CDH18: variants seen among roughly 807,000 people sequenced by gnomAD.
CDH18 encodes cadherin 18, also known as cadherin-18.
A neutral mutation model predicts 67.9 loss-of-function variants in CDH18; 31 were observed. The ratio of observed to expected loss-of-function variants is 0.46; its 90% CI spans 0.34 to 0.62. CDH18 has a LOEUF of 0.62. Ranked by LOEUF, CDH18 falls within the 20% of genes least tolerant of loss-of-function variation. The probability of loss-of-function intolerance (pLI) is 0.01; values close to 1 mark genes in which losing one functional copy is unlikely to be tolerated. For synonymous variants in CDH18, 362 were observed against 347.2 expected (o/e 1.04, Z -0.48); for missense variants, 890 against 975.5 (o/e 0.91, Z 1.17).
intron 1 of CDH18, chr5:20,306,028 G>C (rs1736419490): frequency 6.5e-6 from 1 of 152,698 alleles, no homozygotes; most frequent in East Asian, 1.9e-4. Context: ...ATGTTTTGAG[G>C]AACGTGTTAA....
chr5:19,971,198 A>G (rs1797984610), intron 2 of CDH18, among the ~76,000 whole-genome samples: 1 of 152,020 alleles, frequency 6.6e-6, no homozygotes, highest in African/African-American at 2.4e-5. Context: ...TATTCAGAAT[A>G]TATAATAGAG....
At chr5:20,167,653 A>C (rs1041987354) in intron 2 of CDH18, among the ~76,000 whole-genome samples, 2 of 152,140 alleles carry the variant, frequency 1.3e-5, no homozygotes, top group African/African-American at 4.8e-5. Flanking sequence ...TTTACAAAGG[A>C]CTTTTTACAA....
intron 2 of CDH18, among the ~76,000 whole-genome samples, chr5:19,969,469 A>G (rs28474910): frequency 0.42 from 62,844 of 147,970 alleles, 15,503 homozygotes; most frequent in Middle Eastern, 0.63. Context: ...GATAGACTGG[A>G]TTAAGAAAAT....
intron 1 of CDH18, among the ~76,000 whole-genome samples, chr5:20,293,920 A>C (rs2149949217): frequency 6.6e-6 from 1 of 152,290 alleles, no homozygotes; most frequent in South Asian, 2.1e-4. Flanking sequence ...GATTTATAGT[A>C]TTTGGGGCAG....
chr5:19,875,552 G>T (rs1030930155), intron 2 of CDH18, among the ~76,000 whole-genome samples: 1 of 151,954 alleles, frequency 6.6e-6, no homozygotes, highest in Non-Finnish European at 1.5e-5. Context: ...TTTATGTTTT[G>T]TACCTTCAAA....
intron 2 of CDH18, among the ~76,000 whole-genome samples, chr5:20,229,892 A>G (rs917469731): frequency 3.9e-5 from 6 of 151,976 alleles, no homozygotes; most frequent in African/African-American, 1.4e-4. Context: ...TTACAGTGTT[A>G]TTTTCATTAT....
rs370841061 is a variant in CDH18 at position 19,473,374 on chromosome 5, C to A, written c.2225G>T (p.Gly742Val). ...GATAGACCCAGCTTCTGATCTCTGACCCTCATAGGCATAAGTCTGAAGAGA... is the reference window on the plus strand; with the variant it reads ...GATAGACCCAGCTTCTGATCTCTGAACCTCATAGGCATAAGTCTGAAGAGA... ...YDSLQTYAYE[G>V]QRSEAGSISS... Residue 742 changes from glycine (G) to valine (V), a missense_variant, in exon 13 of 13, where the codon GGT becomes GTT. Transcript: ENST00000382275. 35 of 1,613,752 alleles carry A rather than the reference C, an allele frequency of 2.2e-5. No homozygotes were observed. The highest frequency in any genetic ancestry group is 2.9e-5 in the Non-Finnish European group (34 of 1,179,916).
At chr5:20,452,878 T>C (rs896588674) in intron 1 of CDH18, among the ~76,000 whole-genome samples, 1 of 152,116 alleles carries the variant, frequency 6.6e-6, no homozygotes, top group African/African-American at 2.4e-5. Context: ...AATCAAACAG[T>C]CTGAAATTAT....
intron 2 of CDH18, among the ~76,000 whole-genome samples, chr5:20,169,196 T>C (rs143309772): frequency 0.016 from 2,507 of 152,236 alleles, 30 homozygotes; most frequent in Middle Eastern, 0.027. Context: ...CCATTCTCCA[T>C]GATCTGATTA....
intron 2 of CDH18, among the ~76,000 whole-genome samples, chr5:19,926,184 T>G (rs2150183800): frequency 6.6e-6 from 1 of 152,332 alleles, no homozygotes; most frequent in Admixed American, 6.5e-5. Flanking sequence ...CAAGCCTATG[T>G]TGTTAAAGGG....
Position 19,483,294 on chromosome 5 carries a change from G to A in CDH18, c.1882+7C>T, listed in dbSNP as rs1226262575. On this transcript the variant is annotated splice_region_variant and intron_variant, in intron 12 of 12. Coordinates refer to ENST00000382275, the MANE Select transcript of CDH18 (RefSeq NM_004934.5). ...ATCATGCAAACTTAGGGTTTAGAAT[G>A]ACTTACCCAGGAGAATGAGAACACA... 2 of 1,608,292 alleles carry A rather than the reference G, an allele frequency of 1.2e-6. No homozygotes were observed. The highest frequency in any genetic ancestry group is 4.5e-5 in the East Asian group (2 of 44,812).
intron 3 of CDH18, among the ~76,000 whole-genome samples, chr5:19,765,673 G>A (rs964579031): frequency 6.6e-6 from 1 of 152,070 alleles, no homozygotes; most frequent in Non-Finnish European, 1.5e-5. Context: ...CAACGAATGG[G>A]GAGAAGCTGT....
intron 5 of CDH18, among the ~76,000 whole-genome samples, chr5:19,682,803 G>T (rs1362142344): frequency 6.6e-6 from 1 of 151,970 alleles, no homozygotes; most frequent in Non-Finnish European, 1.5e-5. Context: ...ATATATGCAG[G>T]ACATGAAGTG....
At chr5:20,342,863 C>T (rs1374213475) in intron 1 of CDH18, among the ~76,000 whole-genome samples, 1 of 152,146 alleles carries the variant, frequency 6.6e-6, no homozygotes, top group African/African-American at 2.4e-5. Flanking sequence ...GTAAGGGATT[C>T]AAAGGCTTAG....
intron 4 of CDH18, among the ~76,000 whole-genome samples, chr5:19,735,205 G>T (rs1295162115): frequency 6.6e-6 from 1 of 151,974 alleles, no homozygotes; most frequent in Non-Finnish European, 1.5e-5. Flanking sequence ...GGTTCTTTAT[G>T]TCACTAAGTT....
intron 1 of CDH18, among the ~76,000 whole-genome samples, chr5:20,501,567 ATAATATATATATATTATATATATATAT>A (rs1561069348): frequency 0.048 from 687 of 14,312 alleles, 32 homozygotes; most frequent in African/African-American, 0.073. Flanking sequence ...ATATATATAT[ATAATATATATATATTATATATATATAT>A]TATATATATA....
chr5:19,604,530 AACACACAC>A (rs4002268), intron 6 of CDH18, among the ~76,000 whole-genome samples: 10,443 of 145,070 alleles, frequency 0.072, 406 homozygotes, highest in East Asian at 0.11. Context: ...TTCAAATTAA[AACACACAC>A]ACACACACAC....
chr5:20,501,569 AATATATATATAT>A (rs1754300663), intron 1 of CDH18, among the ~76,000 whole-genome samples: 17 of 16,162 alleles, frequency 1.1e-3, no homozygotes, highest in East Asian at 7.1e-3. Context: ...ATATATATAT[AATATATATATAT>A]TATATATATA....
At chr5:19,571,445 A>C in intron 8 of CDH18, 134 bp downstream of exon 8, 1 of 804,238 alleles carries the variant, frequency 1.2e-6, no homozygotes, top group Admixed American at 3.2e-5. Flanking sequence ...AAAATCAATT[A>C]ATATTATAAT....
Sources: gnomAD v4.1 joint callset for allele counts (sites outside exome capture counted in the v4.1 genomes callset) on GRCh38, gnomAD v4.1.1 for gene constraint, MANE v1.5 for transcripts, NCBI Gene and HGNC (gene_info 2026-07-23, HGNC 2026-07-21) for gene names.